The following NLGN1 variants were observed in gnomAD, a reference collection of about 807,000 sequenced individuals.
NLGN1 encodes the protein neuroligin-1.
Under a neutral mutation model 65.5 loss-of-function variants are expected in NLGN1, and 12 were observed. The observed-to-expected ratio is 0.18, with a 90% CI of 0.12 to 0.30. The LOEUF (loss-of-function observed/expected upper bound fraction) is 0.30. NLGN1 is among the 10% of genes least tolerant of loss of function. NLGN1 has a pLI of 1.00. For synonymous variants in NLGN1, 350 were observed against 359.5 expected (o/e 0.97, Z 0.30); for missense variants, 750 against 1,007.1 (o/e 0.74, Z 3.46).
At chr3:173,927,686 G>T (rs1175301621) in intron 4 of NLGN1, among the ~76,000 whole-genome samples, 1 of 152,044 alleles carries the variant, frequency 6.6e-6, no homozygotes, top group Non-Finnish European at 1.5e-5. Context: ...GGAGACAAGG[G>T]GGACATTGTT....
intron 3 of NLGN1, among the ~76,000 whole-genome samples, chr3:173,676,224 C>T (rs1027565790): frequency 6.6e-6 from 1 of 152,104 alleles, no homozygotes; most frequent in Non-Finnish European, 1.5e-5. Flanking sequence ...GTTTTCTAAA[C>T]AGCCAGAGAG....
intron 3 of NLGN1, among the ~76,000 whole-genome samples, chr3:173,775,310 G>T (rs536032214): frequency 6.6e-6 from 1 of 151,852 alleles, no homozygotes; most frequent in African/African-American, 2.4e-5. Context: ...TTACTCTTAC[G>T]TGTTTTAAAA....
chr3:173,906,075 A>G (rs1045674880), intron 4 of NLGN1, among the ~76,000 whole-genome samples: 2 of 152,214 alleles, frequency 1.3e-5, no homozygotes, highest in Non-Finnish European at 2.9e-5. Context: ...TTCAAGGGGA[A>G]AGAGAACCAC....
intron 4 of NLGN1, among the ~76,000 whole-genome samples, chr3:174,238,222 C>T (rs180849020): frequency 5.9e-5 from 9 of 152,096 alleles, no homozygotes; most frequent in African/African-American, 2.2e-4. Context: ...TTGCTAATTG[C>T]CTCCTTTGCA....
At chr3:174,206,476 T>C (rs770519068) in intron 4 of NLGN1, among the ~76,000 whole-genome samples, 14 of 152,154 alleles carry the variant, frequency 9.2e-5, no homozygotes, top group Non-Finnish European at 1.6e-4. Flanking sequence ...CCCCCTCTTA[T>C]TTGCTCAAGA....
chr3:173,474,637 G>A (rs1725874667), intron 2 of NLGN1, among the ~76,000 whole-genome samples: 1 of 152,094 alleles, frequency 6.6e-6, no homozygotes, highest in Non-Finnish European at 1.5e-5. Flanking sequence ...TATAAAATAT[G>A]CATGTTATTA....
downstream of NLGN1, among the ~76,000 whole-genome samples, chr3:174,288,123 A>C (rs1319584785): frequency 1.3e-5 from 2 of 151,506 alleles, no homozygotes; most frequent in Non-Finnish European, 3.0e-5. Flanking sequence ...TCACTGTACA[A>C]TTCCTTGTTT....
chr3:173,948,724 T>G (rs184895120), intron 4 of NLGN1, among the ~76,000 whole-genome samples: 1 of 152,216 alleles, frequency 6.6e-6, no homozygotes, highest in Admixed American at 6.5e-5. Context: ...TGTCTCAAAC[T>G]GTTCTGAAAC....
At chr3:173,437,903 T>G (rs868693334) in intron 2 of NLGN1, among the ~76,000 whole-genome samples, 1 of 152,134 alleles carries the variant, frequency 6.6e-6, no homozygotes, top group South Asian at 2.1e-4. Flanking sequence ...CTTTAACCAC[T>G]GCCACCATCC....
At chr3:174,234,357 T>G (rs992768583) in intron 4 of NLGN1, among the ~76,000 whole-genome samples, 1 of 152,108 alleles carries the variant, frequency 6.6e-6, no homozygotes, top group African/African-American at 2.4e-5. Flanking sequence ...ATTCTTCCCT[T>G]GGGTTGGGTT....
At chr3:173,886,088 T>A (rs1734276650) in intron 4 of NLGN1, among the ~76,000 whole-genome samples, 1 of 152,128 alleles carries the variant, frequency 6.6e-6, no homozygotes, top group Admixed American at 6.6e-5. Flanking sequence ...GTAAATTATG[T>A]GTGTACACAC....
intron 3 of NLGN1, among the ~76,000 whole-genome samples, chr3:173,620,283 A>G (rs929235390): frequency 4.6e-5 from 7 of 152,092 alleles, no homozygotes; most frequent in African/African-American, 1.4e-4. Flanking sequence ...AGGGTAAGAG[A>G]TATCTATTTG....
At chr3:173,934,948 A>G (rs1744782290) in intron 4 of NLGN1, among the ~76,000 whole-genome samples, 1 of 152,038 alleles carries the variant, frequency 6.6e-6, no homozygotes, top group African/African-American at 2.4e-5. Context: ...TCAAAAATTT[A>G]TTGCAACCTT....
chr3:174,231,352 G>A (rs947932344), intron 4 of NLGN1, among the ~76,000 whole-genome samples: 3 of 152,180 alleles, frequency 2.0e-5, no homozygotes, highest in Non-Finnish European at 2.9e-5. Flanking sequence ...ACAGGAATTG[G>A]AAGCGAGGTA....
chr3:173,842,572 G>A (rs1341111047), intron 4 of NLGN1, among the ~76,000 whole-genome samples: 3 of 152,120 alleles, frequency 2.0e-5, no homozygotes, highest in Non-Finnish European at 4.4e-5. Flanking sequence ...CAAAACAAAG[G>A]AACTACAGGC....
At chr3:174,101,369 A>G (rs1300065260) in intron 4 of NLGN1, among the ~76,000 whole-genome samples, 1 of 152,104 alleles carries the variant, frequency 6.6e-6, no homozygotes, top group African/African-American at 2.4e-5. Context: ...CACAGAAACT[A>G]TTTGCTTGTT....
At chr3:174,119,582 A>G (rs78907619) in intron 4 of NLGN1, among the ~76,000 whole-genome samples, 8,380 of 152,196 alleles carry the variant, frequency 0.055, 292 homozygotes, top group African/African-American at 0.086. Flanking sequence ...TCTATAACAC[A>G]TGCTATTGTT....
Position 174,138,992 on chromosome 3 carries a change from G to A in NLGN1, c.647-136323G>A, listed in dbSNP as rs79289932. On this transcript the variant is annotated intron_variant, in intron 4 of 6. Coordinates refer to ENST00000457714, the Ensembl canonical transcript of NLGN1. ...TGGTTGTTTTATAATCATGGCTAAA[G>A]AATATAGAAGCCAAACATACTTTTA... is the stretch of plus-strand genomic sequence containing the variant. 2.6e-5 allele frequency among the ~76,000 whole-genome samples: 4 copies of A among 152,100 alleles called. No individual in the cohort carries two copies. The East Asian group carries it at 5.8e-4, about 22-fold the overall frequency.
intron 4 of NLGN1, among the ~76,000 whole-genome samples, chr3:174,035,697 A>G (rs1730979809): frequency 6.6e-6 from 1 of 152,176 alleles, no homozygotes; most frequent in Admixed American, 6.5e-5. Context: ...GAGCAGAGCT[A>G]GAGGGAGCAT....
Sources: allele counts gnomAD v4.1 joint callset (sites outside exome capture counted in the v4.1 genomes callset), GRCh38; gene constraint gnomAD v4.1.1; transcripts MANE v1.5; gene names NCBI Gene and HGNC (gene_info 2026-07-23, HGNC 2026-07-21).